The following FTCDNL1 variants were observed in gnomAD, a reference collection of about 807,000 sequenced individuals.
The protein encoded by FTCDNL1 is formiminotransferase N-terminal subdomain-containing protein.
A neutral mutation model predicts 5.9 loss-of-function variants in FTCDNL1; 11 were observed. The observed-to-expected ratio is 1.87, with a 90% CI of 1.18 to 3.10. FTCDNL1 has a LOEUF of 3.10. FTCDNL1 is among the 30% of genes most tolerant of loss of function. The pLI, the probability that FTCDNL1 is intolerant of heterozygous loss-of-function variation, is 0.00. For missense variants in FTCDNL1, 115 were observed against 65.5 expected (o/e 1.76, Z -2.61); for synonymous variants, 58 against 24.8 (o/e 2.34, Z -3.99).
chr2:199,670,122 T>G, the FTCDNL1 span, among the ~76,000 whole-genome samples: 1 of 152,250 alleles, frequency 6.6e-6, no homozygotes, highest in Non-Finnish European at 1.5e-5. Context: ...ATATTCCTAC[T>G]GTTTTCCTTT....
chr2:199,810,979 T>A lies in FTCDNL1; in HGVS notation c.*1726A>T, dbSNP rs1701003498. Among the ~76,000 whole-genome samples, 1 of 152,196 alleles carries A rather than the reference T, an allele frequency of 6.6e-6. No homozygotes were observed. The highest frequency in any genetic ancestry group is 6.5e-5 in the Admixed American group (1 of 15,274). ...TTGCCTAGCCTGGCTACTCTCATAC[T>A]AATAGATGTTTTACAGAAAATCAGC... On this transcript the variant is annotated 3_prime_UTR_variant, in exon 5 of 5. Transcript: ENST00000420128.
At chr2:199,801,937 CAAA>C (rs543444146) in intron 3 of FTCDNL1, among the ~76,000 whole-genome samples, 3 of 112,036 alleles carry the variant, frequency 2.7e-5, no homozygotes, top group Non-Finnish European at 3.9e-5. Context: ...GACTCCATCT[CAAA>C]AAAAAAAAAA....
downstream of FTCDNL1, among the ~76,000 whole-genome samples, chr2:199,808,608 A>G (rs1700854648): frequency 6.6e-6 from 1 of 152,204 alleles, no homozygotes; most frequent in South Asian, 2.1e-4. Context: ...TAATGCTGTG[A>G]CAGGAACCTG....
chr2:199,813,085 G>A (rs191110770), intron 4 of FTCDNL1, among the ~76,000 whole-genome samples: 3 of 152,268 alleles, frequency 2.0e-5, no homozygotes, highest in Admixed American at 2.0e-4. Flanking sequence ...TGTAGCTTTT[G>A]CAAACACAAA....
chr2:199,692,418 A>G, the FTCDNL1 span, among the ~76,000 whole-genome samples: 4 of 152,230 alleles, frequency 2.6e-5, no homozygotes, highest in Non-Finnish European at 5.9e-5. Flanking sequence ...TTTTAATTTG[A>G]AAAATAGTTG....
At chr2:199,767,350 C>G (rs1249557649) in intron 3 of FTCDNL1, among the ~76,000 whole-genome samples, 1 of 152,160 alleles carries the variant, frequency 6.6e-6, no homozygotes, top group Non-Finnish European at 1.5e-5. Flanking sequence ...TCACAACAGC[C>G]AAGAACAGTC....
chr2:199,731,689 C>T, the FTCDNL1 span, among the ~76,000 whole-genome samples: 3 of 152,104 alleles, frequency 2.0e-5, no homozygotes, highest in Non-Finnish European at 4.4e-5. Flanking sequence ...GAGATCGAGA[C>T]CATCCCAGCT....
intron 3 of FTCDNL1, among the ~76,000 whole-genome samples, chr2:199,766,023 T>C (rs756268594): frequency 1.3e-5 from 2 of 152,094 alleles, no homozygotes; most frequent in Non-Finnish European, 2.9e-5. Flanking sequence ...CTTAAATAAG[T>C]CAATCAAGCT....
the FTCDNL1 span, among the ~76,000 whole-genome samples, chr2:199,681,337 T>A: frequency 6.6e-6 from 1 of 152,120 alleles, no homozygotes; most frequent in African/African-American, 2.4e-5. Context: ...ACGCCTGTAA[T>A]CCCAGCTACT....
At chr2:199,671,220 C>T in the FTCDNL1 span, among the ~76,000 whole-genome samples, 21 of 150,884 alleles carry the variant, frequency 1.4e-4, 1 homozygote, top group South Asian at 3.5e-3. Flanking sequence ...TGAATGAAGT[C>T]AGAAAATAAA....
chr2:199,685,417 C>T, the FTCDNL1 span, among the ~76,000 whole-genome samples: 2 of 152,310 alleles, frequency 1.3e-5, no homozygotes, highest in African/African-American at 4.8e-5. Flanking sequence ...CTCCTCTCTA[C>T]ACGCATCCTC....
chr2:199,806,317 A>G (rs1000389663), downstream of FTCDNL1, among the ~76,000 whole-genome samples: 2 of 152,214 alleles, frequency 1.3e-5, no homozygotes, highest in Non-Finnish European at 2.9e-5. Flanking sequence ...TGCTTATCAA[A>G]CAAGTTCCTG....
At chr2:199,764,005 C>T (rs1442741470) in intron 3 of FTCDNL1, among the ~76,000 whole-genome samples, 1 of 152,060 alleles carries the variant, frequency 6.6e-6, no homozygotes, top group African/African-American at 2.4e-5. Context: ...CGACACCTGG[C>T]TAATTTTTAT....
chr2:199,747,584 T>A, the FTCDNL1 span, among the ~76,000 whole-genome samples: 1 of 139,308 alleles, frequency 7.2e-6, no homozygotes, highest in Non-Finnish European at 1.5e-5. Context: ...CTACTGTGTG[T>A]GACAAAGAAA....
chr2:199,749,692 G>A, the FTCDNL1 span, among the ~76,000 whole-genome samples: 22 of 152,254 alleles, frequency 1.4e-4, no homozygotes, highest in South Asian at 2.1e-3. Flanking sequence ...GCATGTTTTC[G>A]TAGTACTCAC....
chr2:199,768,613 G>A lies in FTCDNL1; in HGVS notation c.212-7778C>T, dbSNP rs376456240. ...TTAGGAAATCAGAAGGAAGAATAAGGAAGGAAAAGCAGACCAATTAAAGAG... is the reference window on the plus strand; with the variant it reads ...TTAGGAAATCAGAAGGAAGAATAAGAAAGGAAAAGCAGACCAATTAAAGAG... On this transcript the variant is annotated intron_variant, in intron 3 of 3. Transcript: ENST00000416668. 7.2e-5 allele frequency among the ~76,000 whole-genome samples: 11 copies of A among 152,072 alleles called. No individual in the cohort carries two copies. The South Asian group carries it at 2.1e-3, about 29-fold the overall frequency.
At chr2:199,790,609 A>G (rs1230748432) in intron 3 of FTCDNL1, among the ~76,000 whole-genome samples, 1 of 152,186 alleles carries the variant, frequency 6.6e-6, no homozygotes, top group Non-Finnish European at 1.5e-5. Context: ...AAAATCAAAT[A>G]AATGCCTATT....
the FTCDNL1 span, among the ~76,000 whole-genome samples, chr2:199,674,652 T>C: frequency 6.6e-6 from 1 of 152,220 alleles, no homozygotes; most frequent in Admixed American, 6.5e-5. Context: ...TCATTTAGCC[T>C]GTCTTAGCAA....
At chr2:199,765,590 T>C (rs1429695014) in intron 3 of FTCDNL1, among the ~76,000 whole-genome samples, 1 of 128,566 alleles carries the variant, frequency 7.8e-6, no homozygotes, top group Non-Finnish European at 1.7e-5. Flanking sequence ...GGCGTCTCAC[T>C]AGGTTGGAGT....
Sources: gnomAD v4.1 joint callset for allele counts (sites outside exome capture counted in the v4.1 genomes callset) on GRCh38, gnomAD v4.1.1 for gene constraint, MANE v1.5 for transcripts, NCBI Gene and HGNC (gene_info 2026-07-23, HGNC 2026-07-21) for gene names.